PHEX: variants seen among roughly 807,000 people sequenced by gnomAD.
PHEX encodes the protein phosphate-regulating neutral endopeptidase PHEX.
Under a neutral mutation model 68.0 loss-of-function variants are expected in PHEX, and 16 were observed. The ratio of observed to expected loss-of-function variants is 0.24; its 90% confidence interval spans 0.16 to 0.36. The LOEUF (loss-of-function observed/expected upper bound fraction) is 0.36, where lower values mean the gene tolerates loss of function less well. Among genes scored for constraint, PHEX ranks in the 10% least tolerant of loss-of-function variants. The pLI, the probability that PHEX is intolerant of heterozygous loss-of-function variation, is 1.00. For missense variants in PHEX, 480 were observed against 575.5 expected (o/e 0.83, Z 1.70); for synonymous variants, 208 against 205.1 (o/e 1.01, Z -0.12).
intron 11 of PHEX, among the ~76,000 whole-genome samples, chrX:22,118,968 C>G (rs1330503592): frequency 8.9e-6 from 1 of 112,462 alleles, no homozygotes; most frequent in African/African-American, 3.2e-5. Context: ...TCCCAGTTAG[C>G]AGGACAGAGC....
chrX:22,158,011 CAA>C (rs1289475858), intron 12 of PHEX, among the ~76,000 whole-genome samples: 1 of 111,696 alleles, frequency 9.0e-6, no homozygotes, highest in Non-Finnish European at 1.9e-5. Context: ...TCAATTTTAT[CAA>C]GAGAATAAAA....
intron 11 of PHEX, among the ~76,000 whole-genome samples, chrX:22,115,753 G>C (rs777375727): frequency 1.8e-5 from 2 of 109,818 alleles, no homozygotes; most frequent in African/African-American, 7.0e-5. Flanking sequence ...TATCTATGCT[G>C]TTGCAAAAGG....
At chrX:22,165,699 A>G (rs1933290661) in intron 12 of PHEX, among the ~76,000 whole-genome samples, 1 of 112,070 alleles carries the variant, frequency 8.9e-6, no homozygotes, top group Non-Finnish European at 1.9e-5. Flanking sequence ...ATCCCAGGGA[A>G]TCTGGTCAGA....
rs1032503119 is a variant in PHEX at position 22,098,969 on chromosome X, A to C, written c.934-37A>C. ...GCCTTTCTTACTTGCTACCTAACCG[A>C]GATTCTCTCATTCTGTTTTGTTCTC... On this transcript the variant is annotated intron_variant, in intron 8 of 21. Coordinates refer to ENST00000379374, the MANE Select transcript of PHEX (RefSeq NM_000444.6). 5.9e-6 allele frequency: 7 copies of C among 1,191,259 alleles called. No individual in the cohort carries two copies. In the Admixed American group the frequency reaches 1.5e-4, roughly 26 times the overall value.
intron 3 of PHEX, among the ~76,000 whole-genome samples, chrX:22,059,452 A>G (rs1928263326): frequency 8.9e-6 from 1 of 112,444 alleles, no homozygotes; most frequent in Non-Finnish European, 1.9e-5. Flanking sequence ...CTTGGTATTT[A>G]ATGAATTAAT....
At chrX:22,239,555 T>C (rs1936110048) in intron 20 of PHEX, among the ~76,000 whole-genome samples, 2 of 110,699 alleles carry the variant, frequency 1.8e-5, no homozygotes, top group Non-Finnish European at 3.8e-5. Flanking sequence ...AATGACTTGA[T>C]GGAGCTGAAA....
At chrX:22,062,904 G>C (rs1359239174) in intron 3 of PHEX, among the ~76,000 whole-genome samples, 2 of 110,998 alleles carry the variant, frequency 1.8e-5, no homozygotes, top group African/African-American at 6.6e-5. Flanking sequence ...GGGATTACAG[G>C]TGTGTGCCAC....
At chrX:22,104,358 A>G (rs1330976549) in intron 9 of PHEX, among the ~76,000 whole-genome samples, 3 of 109,898 alleles carry the variant, frequency 2.7e-5, no homozygotes, top group African/African-American at 1.0e-4. Context: ...CAGCCCTTGC[A>G]GTCCAAGGGG....
chrX:22,229,553 T>C, intron 20 of PHEX, among the ~76,000 whole-genome samples: 1 of 112,669 alleles, frequency 8.9e-6, no homozygotes, highest in Middle Eastern at 4.6e-3. Context: ...TTTTGAGAAA[T>C]GTCTGTTCGT....
rs1204111016 is a variant in PHEX at position 22,032,674 on chromosome X, A to G, written c.-332A>G. ...TAAATAGCTAAAACATCTGTTCAGC[A>G]ACATAGTAAAACATATATACTCGGA... On this transcript the variant is annotated 5_prime_UTR_variant, in exon 1 of 22. Transcript: ENST00000379374. 2 of 244,026 alleles carry G rather than the reference A, an allele frequency of 8.2e-6. No homozygotes were observed. Among genetic ancestry groups the G allele is most frequent in the Admixed American group, 5.9e-5 (1 of 16,888 alleles). The allele number at this position is 244,026 out of a possible 1,213,427, so 20.1% of individuals were successfully genotyped here.
rs753892524 is a variant in PHEX, at chrX:22,230,906, C to G, written c.2070+3295C>G. Among the ~76,000 whole-genome samples the G allele has an allele frequency of 1.2e-3, 135 of 111,677 alleles. 1 individual carries two copies. The highest frequency in any genetic ancestry group is 3.0e-4 in the Non-Finnish European group (16 of 53,191). On this transcript the variant is annotated intron_variant, in intron 20 of 21. Transcript: ENST00000379374. ...TTTTGCCCATTCAGTATGATATTAGCTGTGGGTTTGTCATAAATAGCTCTT... is the reference window on the plus strand; with the variant it reads ...TTTTGCCCATTCAGTATGATATTAGGTGTGGGTTTGTCATAAATAGCTCTT...
chrX:22,200,336 C>T (rs7056148), intron 15 of PHEX, among the ~76,000 whole-genome samples: 2,159 of 112,249 alleles, frequency 0.019, 38 homozygotes, highest in African/African-American at 0.066. Flanking sequence ...AGGCTGGGTG[C>T]AGTGGCTCAC....
chrX:22,177,101 A>G (rs1933734792), intron 13 of PHEX, among the ~76,000 whole-genome samples: 2 of 111,368 alleles, frequency 1.8e-5, no homozygotes, highest in Admixed American at 1.9e-4. Context: ...ACTCCTTAAC[A>G]AAAACTTCTC....
intron 11 of PHEX, among the ~76,000 whole-genome samples, chrX:22,117,431 A>G (rs1014356963): frequency 1.8e-5 from 2 of 112,078 alleles, no homozygotes; most frequent in African/African-American, 6.5e-5. Flanking sequence ...CCACTGAGGA[A>G]TTAATGGCTT....
chrX:22,197,495 C>G (rs988338541), intron 15 of PHEX, among the ~76,000 whole-genome samples: 1 of 111,136 alleles, frequency 9.0e-6, no homozygotes. Context: ...CAGAGATCCA[C>G]ATGTGAAGGA....
At chrX:22,105,175 G>A (rs1190792483) in intron 9 of PHEX, among the ~76,000 whole-genome samples, 7 of 111,751 alleles carry the variant, frequency 6.3e-5, no homozygotes, top group Admixed American at 9.5e-5. Context: ...GCAGACTCTC[G>A]GGCTCTGCCC....
At chrX:22,166,040 T>C (rs1261982278) in intron 12 of PHEX, among the ~76,000 whole-genome samples, 4 of 112,200 alleles carry the variant, frequency 3.6e-5, no homozygotes, top group African/African-American at 1.3e-4. Context: ...CAATCGCTGC[T>C]CTTGAGGTTC....
chrX:22,227,786 A>C (rs920865095), intron 20 of PHEX, among the ~76,000 whole-genome samples, 175 bp downstream of exon 20: 4 of 112,630 alleles, frequency 3.6e-5, no homozygotes, highest in Non-Finnish European at 7.5e-5. Context: ...GTAGTACATA[A>C]TTAATTAACT....
At chrX:22,114,698 T>G in intron 11 of PHEX, 112 bp downstream of exon 11, 4 of 634,585 alleles carry the variant, frequency 6.3e-6, no homozygotes, top group Non-Finnish European at 1.1e-5. Flanking sequence ...CTGTGGGTAT[T>G]GTCTTCAGAT....
Sources: allele counts gnomAD v4.1 joint callset (sites outside exome capture counted in the v4.1 genomes callset), GRCh38; gene constraint gnomAD v4.1.1; transcripts MANE v1.5; gene names NCBI Gene and HGNC (gene_info 2026-07-23, HGNC 2026-07-21).